Variants in CNOT1 observed in about 807,000 individuals in gnomAD.
CNOT1 encodes CCR4-NOT transcription complex subunit 1, also known as CCR4-associated factor 1.
CNOT1 carries 15 observed loss-of-function variants against 273.8 expected under a neutral mutation model. The observed-to-expected ratio is 0.05, with a 90% CI of 0.04 to 0.08. CNOT1 has a LOEUF of 0.08. Ranked by LOEUF, CNOT1 falls within the 10% of genes least tolerant of loss-of-function variation. The pLI, the probability that CNOT1 is intolerant of heterozygous loss-of-function variation, is 1.00. For synonymous variants in CNOT1, 1,022 were observed against 1,005.5 expected (o/e 1.02, Z -0.31); for missense variants, 1,644 against 2,912.2 (o/e 0.56, Z 10.02).
chr16:58,563,027 T>C lies in CNOT1; in HGVS notation c.1980-2665A>G, dbSNP rs551824794. ...ATTACATTAAATCAATAGAGAAAAA[T>C]CTATGAAAATTTGTACTTGTGCCAA... is the stretch of plus-strand genomic sequence containing the variant. On this transcript the variant is annotated intron_variant, in intron 16 of 48. Coordinates refer to ENST00000317147, the MANE Select transcript of CNOT1 (RefSeq NM_016284.5). 1.3e-3 allele frequency among the ~76,000 whole-genome samples: 204 copies of C among 152,108 alleles called. 1 individual carries two copies. Among genetic ancestry groups the C allele is most frequent in the Non-Finnish European group, 2.0e-3 (133 of 67,990 alleles).
intron 18 of CNOT1, among the ~76,000 whole-genome samples, chr16:58,557,329 A>T (rs1320679565): frequency 6.6e-6 from 1 of 152,210 alleles, no homozygotes; most frequent in African/African-American, 2.4e-5. Context: ...TCAATGATTC[A>T]AATCAAATAA....
intron 1 of CNOT1, among the ~76,000 whole-genome samples, chr16:58,616,853 T>C (rs902176400): frequency 4.6e-5 from 7 of 152,172 alleles, no homozygotes; most frequent in Admixed American, 1.3e-4. Context: ...ACATGTGCCA[T>C]TGTAAAACTA....
chr16:58,606,203 G>C (rs538013885), intron 1 of CNOT1, among the ~76,000 whole-genome samples: 57 of 152,144 alleles, frequency 3.7e-4, no homozygotes, highest in African/African-American at 1.2e-3. Context: ...CAGAGTTCAA[G>C]ACCAGACTGA....
intron 1 of CNOT1, among the ~76,000 whole-genome samples, chr16:58,619,623 A>C (rs1394011887): frequency 2.0e-5 from 3 of 151,950 alleles, no homozygotes; most frequent in African/African-American, 7.2e-5. Flanking sequence ...ACGGGGTTTC[A>C]CCATATTGAC....
intron 8 of CNOT1, 104 bp from the exon 9 acceptor site, chr16:58,583,286 A>C: frequency 6.5e-7 from 1 of 1,528,240 alleles, no homozygotes; most frequent in African/African-American, 1.4e-5. Context: ...AGTTTTACTA[A>C]ATAAAACAGG....
At chr16:58,605,235 G>A (rs1597580249) in intron 1 of CNOT1, among the ~76,000 whole-genome samples, 2 of 152,090 alleles carry the variant, frequency 1.3e-5, no homozygotes, top group East Asian at 3.9e-4. Context: ...GGGCGTGGTG[G>A]CTCCCACCTG....
rs1402317319 is a variant in CNOT1, at chr16:58,526,288, TC to T, written c.6454-151del. 5.4e-6 allele frequency: 4 copies of T among 744,336 alleles called. No individual in the cohort carries two copies. In the African/African-American group the frequency reaches 7.1e-5, roughly 13 times the overall value. The allele number at this position is 744,336 out of a possible 1,614,324, so 46.1% of individuals were successfully genotyped here. A position where few individuals can be genotyped will look rare whatever the true frequency, so the allele number is the denominator to read the frequency against. On this transcript the variant is annotated intron_variant, in intron 44 of 48. Transcript: ENST00000317147. Reference sequence around the variant, plus strand: ...CTGCCACATTTTATTAATCAGTCTTTCTTTCTTTAGAAGAATCTTGGTTCAA... The same window carrying T: ...CTGCCACATTTTATTAATCAGTCTTTTTTCTTTAGAAGAATCTTGGTTCAA...
chr16:58,618,773 A>G (rs2043191006), intron 1 of CNOT1, among the ~76,000 whole-genome samples: 1 of 152,224 alleles, frequency 6.6e-6, no homozygotes, highest in Non-Finnish European at 1.5e-5. Context: ...CATGAAAAAA[A>G]GAGTTGACTT....
In CNOT1 at chr16:58,539,742, CTAAAAGTAATAGCT is replaced by C; in HGVS notation, c.4992+12_4992+25del. ...TAAATGTTTACACACCTAGCATTTT[CTAAAAGTAATAGCT>C]TAAGAACCAACCTTTTGGAGCAATC... On this transcript the variant is annotated intron_variant, in intron 35 of 48. Coordinates refer to ENST00000317147, the MANE Select transcript of CNOT1 (RefSeq NM_016284.5). 6.3e-7 allele frequency: 1 copy of C among 1,582,028 alleles called. No homozygotes were observed. The highest frequency in any genetic ancestry group is 2.3e-5 in the East Asian group (1 of 44,406).
chr16:58,555,707 T>G, intron 20 of CNOT1, 77 bp downstream of exon 20: 1 of 1,589,514 alleles, frequency 6.3e-7, no homozygotes, highest in Non-Finnish European at 8.5e-7. Flanking sequence ...TTGAGCTGGA[T>G]TTCTAAAAAC....
At chr16:58,545,621 G>GCGCC in intron 29 of CNOT1, 130 bp from the exon 30 acceptor site, 1 of 1,398,700 alleles carries the variant, frequency 7.1e-7, no homozygotes, top group Non-Finnish European at 9.5e-7. Flanking sequence ...GAAGGATGTA[G>GCGCC]CAGGTCCTAT....
rs990522163 is a variant in CNOT1, at chr16:58,611,990, G to T, written c.-174-12479C>A. Among the ~76,000 whole-genome samples the T allele has an allele frequency of 2.6e-5, 4 of 152,104 alleles. No homozygotes were observed. In the East Asian group the frequency reaches 7.7e-4, roughly 29 times the overall value. On this transcript the variant is annotated intron_variant, in intron 1 of 48. Transcript: ENST00000317147. ...GTTTGTTTTTTCCTTTAACAGAAGGGGTCTTGCTCTGTTATCCAGGCTGGA... is the reference window on the plus strand; with the variant it reads ...GTTTGTTTTTTCCTTTAACAGAAGGTGTCTTGCTCTGTTATCCAGGCTGGA...
chr16:58,600,169 A>C (rs2042410556), intron 1 of CNOT1, among the ~76,000 whole-genome samples: 1 of 150,962 alleles, frequency 6.6e-6, no homozygotes, highest in South Asian at 2.1e-4. Context: ...ACATGGTGAA[A>C]CCCCGTCTCT....
rs1311880388 is a variant in CNOT1 at position 58,542,566 on chromosome 16, A to G, written c.4437T>C (p.Thr1479=). ...TCATTTCTCTTTGTTGTGGGGAAGC[A>G]GTCTATTAATGGAGGTGGGTGGGGG... The part of the protein sequence containing the change: ...LKNSFASALR[T]ASPQQREMMD... The change falls in exon 32 of 49, where the codon ACT becomes ACC. Residue 1479 remains threonine (T), a splice_region_variant and synonymous_variant. Coordinates refer to ENST00000317147, the MANE Select transcript of CNOT1 (RefSeq NM_016284.5). The G allele has an allele frequency of 8.1e-6, 4 of 492,400 alleles. No individual in the cohort carries two copies. In the African/African-American group the frequency reaches 1.1e-4, roughly 13 times the overall value. The allele number at this position is 492,400 out of a possible 1,614,324, so 30.5% of individuals were successfully genotyped here. A position where few individuals can be genotyped will look rare whatever the true frequency, so the allele number is the denominator to read the frequency against.
chr16:58,618,222 A>G (rs746431483), intron 1 of CNOT1, among the ~76,000 whole-genome samples: 2 of 151,996 alleles, frequency 1.3e-5, no homozygotes, highest in Non-Finnish European at 2.9e-5. Context: ...AGACTGACTG[A>G]GCCCAGGAGT....
chr16:58,625,857 C>CAA (rs35404068), intron 1 of CNOT1, among the ~76,000 whole-genome samples: 12,839 of 106,146 alleles, frequency 0.12, 846 homozygotes, highest in South Asian at 0.27. Context: ...AACCCTGTCT[C>CAA]AAAAAAAAAA....
chr16:58,603,405 A>C lies in CNOT1; in HGVS notation c.-174-3894T>G, dbSNP rs1392580364. On this transcript the variant is annotated intron_variant, in intron 1 of 48. Coordinates refer to ENST00000317147, the MANE Select transcript of CNOT1 (RefSeq NM_016284.5). Reference sequence around the variant, plus strand: ...TACCTAGACCCTATCTCTACAATTTAAAAGTGTGTGTGTGTGTGTGTGTGT... The same window carrying C: ...TACCTAGACCCTATCTCTACAATTTCAAAGTGTGTGTGTGTGTGTGTGTGT... Among the ~76,000 whole-genome samples the C allele has an allele frequency of 4.1e-5, 4 of 98,244 alleles. No individual in the cohort carries two copies. In the East Asian group the frequency reaches 6.8e-4, roughly 17 times the overall value. 64.5% of individuals were successfully genotyped at this position (98,244 alleles called of 152,430 possible). A position where few individuals can be genotyped will look rare whatever the true frequency, so the allele number is the denominator to read the frequency against.
At chr16:58,618,017 AG>A (rs2152043398) in intron 1 of CNOT1, among the ~76,000 whole-genome samples, 1 of 152,362 alleles carries the variant, frequency 6.6e-6, no homozygotes, top group African/African-American at 2.4e-5. Flanking sequence ...ATAAAATTAA[AG>A]AAAAAATTGA....
At position 58,574,680 on chromosome 16, in the gene CNOT1, G is replaced by T; in HGVS notation, c.1908C>A (p.Asp636Glu). Residue 636 changes from aspartate to glutamate, a missense_variant, in exon 16 of 49, where the codon GAC (aspartate) becomes GAA (glutamate). This residue lies in a region of CNOT1 where 706 missense variants were observed against 1,021.2 expected (regional missense o/e 0.69). Transcript: ENST00000317147. Reference protein sequence around the residue: ...SILGGLAPEKDQPKSAQLPPE... With the variant: ...SILGGLAPEKEQPKSAQLPPE... ...GAGGAAGTTGAGCACTTTTGGGCTG[G>T]TCTTTTTCTGGGGCAAGTCCGCCCA... 6.2e-7 allele frequency: 1 copy of T among 1,609,980 alleles called. No homozygotes were observed. The highest frequency in any genetic ancestry group is 1.1e-5 in the South Asian group (1 of 90,562).
Sources: allele counts gnomAD v4.1 joint callset (sites outside exome capture counted in the v4.1 genomes callset), GRCh38; gene constraint gnomAD v4.1.1; regional missense constraint gnomAD v4.1.1; transcripts MANE v1.5; gene names NCBI Gene and HGNC (gene_info 2026-07-23, HGNC 2026-07-21).